The following ZNF813 variants were observed in gnomAD, a reference collection of about 807,000 sequenced individuals.
ZNF813 encodes the protein zinc finger protein 813.
Under a neutral mutation model 7.2 loss-of-function variants are expected in ZNF813, and 3 were observed. That is an observed-to-expected ratio of 0.42 (90% CI 0.19 to 1.08). The LOEUF (loss-of-function observed/expected upper bound fraction) is 1.08. Among genes scored for constraint, ZNF813 ranks in the 50% least tolerant of loss-of-function variants. The pLI is 0.30. For synonymous variants in ZNF813, 227 were observed against 256.3 expected (o/e 0.89, Z 1.09); for missense variants, 714 against 753.3 (o/e 0.95, Z 0.61).
In ZNF813 at chr19:53,487,674, T is replaced by G. The variant is rs575450584; in HGVS notation, c.142+916T>G. Among the ~76,000 whole-genome samples, 17 of 152,102 alleles carry G rather than the reference T, an allele frequency of 1.1e-4. 1 individual carries two copies. In the South Asian group the frequency reaches 3.5e-3, roughly 32 times the overall value. On this transcript the variant is annotated intron_variant, in intron 3 of 3. Coordinates refer to ENST00000396403, the MANE Select transcript of ZNF813 (RefSeq NM_001004301.4). ...TTAGCCGGACACTGTGGTGGGCATC[T>G]GTAAGCCCTGCTACTCAAGAGGCTA...
At chr19:53,490,248 GT>G in intron 3 of ZNF813, 126 bp from the exon 4 acceptor site, 1 of 1,112,352 alleles carries the variant, frequency 9.0e-7, no homozygotes, top group South Asian at 1.6e-5. Flanking sequence ...ACGCTTTTGT[GT>G]TCCTAAACTT....
intron 1 of ZNF813, among the ~76,000 whole-genome samples, chr19:53,470,926 GTGA>G: frequency 6.6e-6 from 1 of 152,194 alleles, no homozygotes; most frequent in South Asian, 2.1e-4. Context: ...TGTTTCATTA[GTGA>G]TGATTTCAAG....
intron 1 of ZNF813, among the ~76,000 whole-genome samples, chr19:53,476,276 G>A (rs1413157008): frequency 6.6e-6 from 1 of 152,192 alleles, no homozygotes; most frequent in Non-Finnish European, 1.5e-5. Context: ...ACTGCAACAA[G>A]GTGCAGTTGC....
chr19:53,471,114 GT>G (rs1568826233), intron 1 of ZNF813, among the ~76,000 whole-genome samples: 1 of 151,966 alleles, frequency 6.6e-6, no homozygotes, highest in Non-Finnish European at 1.5e-5. Flanking sequence ...TATCTCTTTT[GT>G]TTTTTTCTTT....
chr19:53,479,467 G>GC (rs1427586307), intron 1 of ZNF813: 1 of 1,503,564 alleles, frequency 6.7e-7, no homozygotes, highest in African/African-American at 1.4e-5. Context: ...AGAAAGGTGG[G>GC]CCCGGGAACA....
chr19:53,483,111 T>C (rs1361607557), intron 1 of ZNF813, among the ~76,000 whole-genome samples: 1 of 151,994 alleles, frequency 6.6e-6, no homozygotes, highest in Non-Finnish European at 1.5e-5. Flanking sequence ...GGTTTCACCA[T>C]GTTGGCCAGG....
At chr19:53,476,453 A>C (rs903488228) in intron 1 of ZNF813, among the ~76,000 whole-genome samples, 3 of 151,734 alleles carry the variant, frequency 2.0e-5, no homozygotes, top group Non-Finnish European at 4.4e-5. Flanking sequence ...AGATGGTGAA[A>C]CCCGGTCTCT....
In ZNF813 at chr19:53,485,587, T is replaced by TATGCATGTCATGATATATAC. The variant is rs1555843897; in HGVS notation, c.16-1042_16-1041insCATGTCATGATATATACATG. Among the ~76,000 whole-genome samples, 272 of 139,812 alleles carry TATGCATGTCATGATATATAC rather than the reference T, an allele frequency of 1.9e-3. 2 individuals carry two copies. The highest frequency in any genetic ancestry group is 0.015 in the Middle Eastern group (4 of 264). The allele number at this position is 139,812 out of a possible 152,430, so 91.7% of individuals were successfully genotyped here. A position where few individuals can be genotyped will look rare whatever the true frequency, so the allele number is the denominator to read the frequency against. ...ACATATATACATGTATGTCATGACATATGTATGTCATGATATATATCGTGA... is the reference window on the plus strand; with the variant it reads ...ACATATATACATGTATGTCATGACATATGCATGTCATGATATATACATGTATGTCATGATATATATCGTGA... On this transcript the variant is annotated intron_variant, in intron 2 of 3. Coordinates refer to ENST00000396403, the MANE Select transcript of ZNF813 (RefSeq NM_001004301.4).
rs2086470992 is a variant in ZNF813, at chr19:53,492,991, G to C, written c.*905G>C. On this transcript the variant is annotated 3_prime_UTR_variant, in exon 4 of 4. Transcript: ENST00000396403. ...ATCAGTGTGGCAAGGTTTTCAGTCT[G>C]ACTTCACTCCTTGCAGAATATCAGA... 2 of 450,134 alleles carry C rather than the reference G, an allele frequency of 4.4e-6. No individual in the cohort carries two copies. The highest frequency in any genetic ancestry group is 5.2e-5 in the Admixed American group (2 of 38,748). 27.9% of individuals were successfully genotyped at this position (450,134 alleles called of 1,614,324 possible). A position where few individuals can be genotyped will look rare whatever the true frequency, so the allele number is the denominator to read the frequency against.
intron 1 of ZNF813, among the ~76,000 whole-genome samples, chr19:53,473,094 T>C (rs1025197941): frequency 2.0e-5 from 3 of 152,202 alleles, no homozygotes; most frequent in African/African-American, 7.2e-5. Flanking sequence ...GTACAGCATG[T>C]TCATATCCAG....
chr19:53,469,782 GGC>G (rs1372026061), intron 1 of ZNF813, among the ~76,000 whole-genome samples: 5 of 150,578 alleles, frequency 3.3e-5, no homozygotes, highest in African/African-American at 7.3e-5. Flanking sequence ...TGGGGATCTA[GGC>G]TGCCAGAGAG....
chr19:53,476,725 C>T (rs2086383639), intron 1 of ZNF813, among the ~76,000 whole-genome samples: 1 of 151,968 alleles, frequency 6.6e-6, no homozygotes, highest in South Asian at 2.1e-4. Flanking sequence ...GCGATCTTGG[C>T]TCACTGCAAG....
chr19:53,479,003 C>T (rs967241809), intron 1 of ZNF813, among the ~76,000 whole-genome samples: 3 of 150,112 alleles, frequency 2.0e-5, no homozygotes, highest in Non-Finnish European at 4.4e-5. Context: ...GGCATGATGT[C>T]AGTTCACTGC....
chr19:53,485,599 GAT>G lies in ZNF813; in HGVS notation c.16-1026_16-1025del, dbSNP rs552284764. ...GTATGTCATGACATATGTATGTCATGATATATATCGTGATATATACATGCATG... is the reference window on the plus strand; with the variant it reads ...GTATGTCATGACATATGTATGTCATGATATATCGTGATATATACATGCATG... On this transcript the variant is annotated intron_variant, in intron 2 of 3. Transcript: ENST00000396403. 2.7e-4 allele frequency among the ~76,000 whole-genome samples: 41 copies of G among 149,718 alleles called. No individual in the cohort carries two copies. The South Asian group carries it at 4.9e-3, about 18-fold the overall frequency.
chr19:53,493,028 G>T lies in ZNF813; in HGVS notation c.*942G>T. On this transcript the variant is annotated 3_prime_UTR_variant, in exon 4 of 4. Coordinates refer to ENST00000396403, the MANE Select transcript of ZNF813 (RefSeq NM_001004301.4). ...TGCAGAATATCAGAAAATTCATTTT[G>T]AGATAATTGTTCCAAATGCAATGAG... 2 of 415,910 alleles carry T rather than the reference G, an allele frequency of 4.8e-6. No individual in the cohort carries two copies. The highest frequency in any genetic ancestry group is 3.6e-5 in the South Asian group (2 of 54,964). The allele number at this position is 415,910 out of a possible 1,614,324, so 25.8% of individuals were successfully genotyped here.
At chr19:53,476,628 C>CA (rs34399793) in intron 1 of ZNF813, among the ~76,000 whole-genome samples, 245 of 138,200 alleles carry the variant, frequency 1.8e-3, no homozygotes, top group African/African-American at 3.5e-3. Flanking sequence ...GACTCCATCT[C>CA]AAAAAAAAAA....
rs1450700951 is a variant in ZNF813, at chr19:53,479,065, C to T, written c.-73-4685C>T. 2.6e-5 allele frequency among the ~76,000 whole-genome samples: 4 copies of T among 151,818 alleles called. 1 individual carries two copies. Among genetic ancestry groups the T allele is most frequent in the East Asian group, 3.9e-4 (2 of 5,144 alleles). On this transcript the variant is annotated intron_variant, in intron 1 of 3. Transcript: ENST00000396403. ...TTCTTTTGCCTCAACCTCCCGAGTACGTGGGACTACAGGCCCACGCCACCA... is the reference window on the plus strand; with the variant it reads ...TTCTTTTGCCTCAACCTCCCGAGTATGTGGGACTACAGGCCCACGCCACCA...
In ZNF813 at chr19:53,486,513, G is replaced by T. The variant is rs1277559440; in HGVS notation, c.16-119G>T. On this transcript the variant is annotated intron_variant, in intron 2 of 3. Coordinates refer to ENST00000396403, the MANE Select transcript of ZNF813 (RefSeq NM_001004301.4). The stretch of plus-strand genomic sequence containing the variant: ...AATGTGGTGAAGAACCCCTTACTCG[G>T]ATTTGTCAGAACATTCACTGCAATT... The T allele has an allele frequency of 2.5e-6, 4 of 1,582,610 alleles. No homozygotes were observed. The Admixed American group carries it at 7.1e-5, about 28-fold the overall frequency.
chr19:53,474,100 G>A (rs1270075669), intron 1 of ZNF813, among the ~76,000 whole-genome samples: 3 of 152,172 alleles, frequency 2.0e-5, no homozygotes, highest in Non-Finnish European at 4.4e-5. Context: ...AGAGATAGAG[G>A]CAGTCCAAAC....
Sources: allele counts gnomAD v4.1 joint callset (sites outside exome capture counted in the v4.1 genomes callset), GRCh38; gene constraint gnomAD v4.1.1; transcripts MANE v1.5; gene names NCBI Gene and HGNC (gene_info 2026-07-23, HGNC 2026-07-21).